RBP2: variants seen among roughly 807,000 people sequenced by gnomAD.
RBP2 encodes retinol-binding protein 2.
In RBP2, 17 loss-of-function variants were observed where a neutral mutation model predicts 17.0. The ratio of observed to expected loss-of-function variants is 1.00; its 90% CI spans 0.68 to 1.50. RBP2 has a LOEUF of 1.50. Among genes scored for constraint, RBP2 ranks in the 40% most tolerant of loss-of-function variants. The probability of loss-of-function intolerance (pLI) is 0.00; values close to 1 mark genes in which losing one functional copy is unlikely to be tolerated. For synonymous variants in RBP2, 48 were observed against 57.1 expected (o/e 0.84, Z 0.72); for missense variants, 158 against 168.2 (o/e 0.94, Z 0.33).
intron 2 of RBP2, among the ~76,000 whole-genome samples, chr3:139,458,537 G>A (rs971107774): frequency 1.3e-5 from 2 of 152,126 alleles, no homozygotes; most frequent in African/African-American, 2.4e-5. Context: ...AGTACATAAG[G>A]TTGCGTAACC....
chr3:139,465,696 G>A (rs1373716846), intron 1 of RBP2, among the ~76,000 whole-genome samples: 3 of 152,160 alleles, frequency 2.0e-5, no homozygotes, highest in Admixed American at 6.5e-5. Context: ...AGTTGGATGA[G>A]CCCTCCCTGT....
chr3:139,459,655 AAG>A lies in RBP2; in HGVS notation c.252+2455_252+2456del, dbSNP rs1933117631. 1.3e-5 allele frequency among the ~76,000 whole-genome samples: 2 copies of A among 151,230 alleles called. 1 individual carries two copies. The highest frequency in any genetic ancestry group is 4.2e-4 in the South Asian group (2 of 4,774). ...AAAAAAGAAAGAAATTAATCAGAGA[AAG>A]AGATTTGCCCACTGTCTAGCACCCC... is the stretch of plus-strand genomic sequence containing the variant. On this transcript the variant is annotated intron_variant, in intron 2 of 3. Transcript: ENST00000232217.
intron 1 of RBP2, among the ~76,000 whole-genome samples, chr3:139,472,154 A>T (rs1468470568): frequency 6.6e-6 from 1 of 152,160 alleles, no homozygotes; most frequent in Non-Finnish European, 1.5e-5. Context: ...AGAAGTACTC[A>T]GGAAGCCTTT....
intron 2 of RBP2, among the ~76,000 whole-genome samples, chr3:139,456,828 T>C (rs971337943): frequency 6.6e-6 from 1 of 152,204 alleles, no homozygotes; most frequent in Non-Finnish European, 1.5e-5. Context: ...GGTCTCCTTT[T>C]CCTTTAGGAC....
intron 1 of RBP2, among the ~76,000 whole-genome samples, chr3:139,474,277 T>C (rs988379517): frequency 6.6e-6 from 1 of 152,128 alleles, no homozygotes. Context: ...AAGGCTGTTG[T>C]TAGAGGCAGG....
intron 1 of RBP2, among the ~76,000 whole-genome samples, chr3:139,465,659 C>T (rs1031115250): frequency 7.9e-5 from 12 of 152,116 alleles, no homozygotes; most frequent in African/African-American, 2.9e-4. Flanking sequence ...TTAAATTTCC[C>T]CTGGAGACAC....
chr3:139,476,149 G>A (rs1343794992), intron 1 of RBP2, among the ~76,000 whole-genome samples: 1 of 152,050 alleles, frequency 6.6e-6, no homozygotes, highest in African/African-American at 2.4e-5. Context: ...TGTTTTCTGT[G>A]GGCCAGGCAC....
intron 1 of RBP2, among the ~76,000 whole-genome samples, chr3:139,468,883 A>G (rs1039322814): frequency 6.6e-6 from 1 of 152,168 alleles, no homozygotes; most frequent in Non-Finnish European, 1.5e-5. Flanking sequence ...ATTTCTGAAT[A>G]ATATATATGG....
At chr3:139,454,224 C>T (rs1442407733) in intron 3 of RBP2, among the ~76,000 whole-genome samples, 1 of 152,166 alleles carries the variant, frequency 6.6e-6, no homozygotes. Context: ...GTTATTGTTC[C>T]TACTGCTCTG....
At chr3:139,458,388 T>A (rs1417439001) in intron 2 of RBP2, among the ~76,000 whole-genome samples, 3 of 152,222 alleles carry the variant, frequency 2.0e-5, no homozygotes, top group Non-Finnish European at 4.4e-5. Flanking sequence ...ATGGCATTAT[T>A]GGCTCTAACC....
At chr3:139,456,715 A>G (rs1932978677) in intron 2 of RBP2, among the ~76,000 whole-genome samples, 1 of 152,126 alleles carries the variant, frequency 6.6e-6, no homozygotes, top group South Asian at 2.1e-4. Context: ...TAGAAAGAAA[A>G]TGTTACTTTT....
chr3:139,459,198 TCCTCACACTCCCA>T (rs979516209), intron 2 of RBP2, among the ~76,000 whole-genome samples: 1 of 151,926 alleles, frequency 6.6e-6, no homozygotes, highest in Non-Finnish European at 1.5e-5. Flanking sequence ...CACTCACACA[TCCTCACACTCCCA>T]CACGTGTATA....
chr3:139,457,010 G>C (rs922936412), intron 2 of RBP2, among the ~76,000 whole-genome samples: 1 of 152,082 alleles, frequency 6.6e-6, no homozygotes, highest in Admixed American at 6.6e-5. Flanking sequence ...TCTTCAATTT[G>C]GGCAAGGACG....
chr3:139,466,990 C>T (rs1933389340), intron 1 of RBP2, among the ~76,000 whole-genome samples: 1 of 152,192 alleles, frequency 6.6e-6, no homozygotes, highest in Non-Finnish European at 1.5e-5. Context: ...CTCTGCCTGC[C>T]AACAGTACTT....
At chr3:139,458,187 C>T (rs1012701923) in intron 2 of RBP2, among the ~76,000 whole-genome samples, 2 of 142,264 alleles carry the variant, frequency 1.4e-5, no homozygotes, top group Non-Finnish European at 3.0e-5. Flanking sequence ...AATTACTCGC[C>T]AACACTTTTT....
At chr3:139,453,206 G>T (rs776442865) in intron 3 of RBP2, 40 bp from the exon 4 acceptor site, 1 of 1,611,928 alleles carries the variant, frequency 6.2e-7, no homozygotes, top group Non-Finnish European at 8.5e-7. Context: ...AACAAGCCAG[G>T]CCTTTCTTCT....
intron 1 of RBP2, among the ~76,000 whole-genome samples, chr3:139,468,357 A>T (rs1042714407): frequency 6.6e-6 from 1 of 152,214 alleles, no homozygotes; most frequent in Non-Finnish European, 1.5e-5. Flanking sequence ...AGAAAGGTAG[A>T]TCACAGTTAA....
At chr3:139,469,679 G>GTCTATCTATCTA (rs1384132893) in intron 1 of RBP2, among the ~76,000 whole-genome samples, 1 of 130,836 alleles carries the variant, frequency 7.6e-6, no homozygotes, top group Non-Finnish European at 1.7e-5. Flanking sequence ...CTGTCTGTCT[G>GTCTATCTATCTA]TCTGTCTGTC....
chr3:139,460,033 T>C (rs1933135504), intron 2 of RBP2, among the ~76,000 whole-genome samples: 1 of 152,080 alleles, frequency 6.6e-6, no homozygotes, highest in South Asian at 2.1e-4. Context: ...GGAAGGGTGA[T>C]TTATTTTAGG....
Sources: gnomAD v4.1 joint callset for allele counts (sites outside exome capture counted in the v4.1 genomes callset) on GRCh38, gnomAD v4.1.1 for gene constraint, MANE v1.5 for transcripts, NCBI Gene and HGNC (gene_info 2026-07-23, HGNC 2026-07-21) for gene names.